RYR2: variants seen among roughly 807,000 people sequenced by gnomAD.
RYR2 encodes ryanodine receptor 2.
RYR2 carries 227 observed loss-of-function variants against 601.1 expected under a neutral mutation model. That is an observed-to-expected ratio of 0.38 (90% CI 0.34 to 0.42). The LOEUF (loss-of-function observed/expected upper bound fraction) is 0.42, where lower values mean the gene tolerates loss of function less well. RYR2 is among the 10% of genes least tolerant of loss of function. RYR2 has a pLI of 1.00. For synonymous variants in RYR2, 2,223 were observed against 2,175.1 expected, an observed-to-expected ratio of 1.02 and a Z score of -0.61; for missense variants, 4,646 against 6,156.5, an observed-to-expected ratio of 0.75 and a Z score of 8.21.
At chr1:237,332,044 AGT>A (rs1269853843) in intron 3 of RYR2, among the ~76,000 whole-genome samples, 1 of 152,114 alleles carries the variant, frequency 6.6e-6, no homozygotes, top group Non-Finnish European at 1.5e-5. Context: ...GGTTTAATAA[AGT>A]GTAGTATTTC....
intron 92 of RYR2, among the ~76,000 whole-genome samples, chr1:237,788,815 CTCTATG>C (rs1253057627): frequency 6.6e-6 from 1 of 151,034 alleles, no homozygotes; most frequent in African/African-American, 2.5e-5. Context: ...GTATAGCTCT[CTCTATG>C]TCTATTCATA....
intron 29 of RYR2, among the ~76,000 whole-genome samples, chr1:237,577,500 C>CTGTGTG (rs763937941): frequency 0.014 from 1,537 of 113,564 alleles, 27 homozygotes; most frequent in Non-Finnish European, 0.02. Flanking sequence ...GTGTGTGTTT[C>CTGTGTG]TGTGTGTGTG....
intron 17 of RYR2, among the ~76,000 whole-genome samples, chr1:237,485,482 G>A (rs973102070): frequency 2.6e-5 from 4 of 152,142 alleles, no homozygotes; most frequent in African/African-American, 9.7e-5. Context: ...TACTACAAAA[G>A]GAGGAATAAT....
rs371262363 is a variant in RYR2, at chr1:237,469,144, C to T, written c.1665C>T (p.Leu555=). The stretch of plus-strand genomic sequence containing the variant: ...ACTGTGCTCAATTTTCTGGCTCCCT[C>T]GACTGGTTGATCAGCAGATTGGAAA... ...RKNCAQFSGS[L]DWLISRLERL... The change falls in exon 17 of 105, where the codon CTC becomes CTT. Residue 555 remains leucine, a synonymous_variant. Transcript: ENST00000366574. 23 of 1,611,738 alleles carry T rather than the reference C, an allele frequency of 1.4e-5. No individual in the cohort carries two copies. The highest frequency in any genetic ancestry group is 8.9e-5 in the East Asian group (4 of 44,820).
intron 84 of RYR2, among the ~76,000 whole-genome samples, chr1:237,762,182 C>A (rs141509730): frequency 5.4e-4 from 82 of 152,294 alleles, no homozygotes; most frequent in African/African-American, 1.9e-3. Context: ...CCTTCAAGAA[C>A]AATCACTGAC....
rs754364233 is a variant in RYR2 at position 237,614,556 on chromosome 1, G to C, written c.5428G>C (p.Val1810Leu). ...KEGSLHARDP[V>L]GGTTEFLFVP... is the part of the protein sequence containing the mutation. ...GGGCAGTCTTCATGCCCGGGACCCAGTTGGAGGGACTACTGAATTCCTCTT... is the reference window on the plus strand; with the variant it reads ...GGGCAGTCTTCATGCCCGGGACCCACTTGGAGGGACTACTGAATTCCTCTT... Residue 1810 changes from valine (V) to leucine (L), a missense_variant, in exon 37 of 105, where the codon GTT becomes CTT. Physicochemically the swap from Val to Leu is conservative, Grantham distance 32. Transcript: ENST00000366574. This position sits in a 1 kb window ranked among gnomAD's most constrained non-coding sequence, Gnocchi z 4.3. The C allele has an allele frequency of 4.6e-5, 75 of 1,614,054 alleles. No homozygotes were observed. In the East Asian group the frequency reaches 1.6e-3, roughly 34 times the overall value.
At chr1:237,511,603 C>T (rs1037572342) in intron 23 of RYR2, 85 bp from the exon 24 acceptor site, 1 of 1,073,208 alleles carries the variant, frequency 9.3e-7, no homozygotes, top group African/African-American at 1.6e-5. Context: ...TGCCTTCTGC[C>T]TCCACTTTCT....
rs116271238 is a variant in RYR2 at position 237,531,166 on chromosome 1, C to G, written c.2906+656C>G. Among the ~76,000 whole-genome samples the G allele has an allele frequency of 3.4e-3, 511 of 152,182 alleles. 3 individuals are homozygous for G. Among genetic ancestry groups the G allele is most frequent in the African/African-American group, 0.012 (487 of 41,534 alleles). On this transcript the variant is annotated intron_variant, in intron 25 of 104. Transcript: ENST00000366574. ...CCAAAAATCTTTATAATTTTATTTA[C>G]TTTTACAATAAAAATATATTCGAGG...
chr1:237,085,700 G>T (rs563498474), intron 1 of RYR2, among the ~76,000 whole-genome samples: 1 of 152,192 alleles, frequency 6.6e-6, no homozygotes, highest in Admixed American at 6.5e-5. Context: ...GGAACTTGAG[G>T]GGGAGAAGAG....
intron 1 of RYR2, among the ~76,000 whole-genome samples, chr1:237,125,904 A>C (rs1232930266): frequency 1.3e-5 from 2 of 152,216 alleles, no homozygotes; most frequent in Non-Finnish European, 2.9e-5. Context: ...TTACTTAATA[A>C]ATGAAAATAT....
intron 2 of RYR2, among the ~76,000 whole-genome samples, chr1:237,329,665 C>CAT: frequency 6.6e-6 from 1 of 151,664 alleles, no homozygotes; most frequent in South Asian, 2.1e-4. Context: ...GAAATTAAAA[C>CAT]ATATATATGT....
chr1:237,086,495 T>G (rs1666346058), intron 1 of RYR2, among the ~76,000 whole-genome samples: 1 of 152,232 alleles, frequency 6.6e-6, no homozygotes, highest in African/African-American at 2.4e-5. Flanking sequence ...GTGGACAAGA[T>G]TTTTGAACTT....
intron 54 of RYR2, among the ~76,000 whole-genome samples, chr1:237,658,401 T>C (rs1683453291): frequency 6.6e-6 from 1 of 152,102 alleles, no homozygotes; most frequent in African/African-American, 2.4e-5. Flanking sequence ...TGTAGGTTTT[T>C]TTGGTTTATT....
At chr1:237,817,172 A>G (rs1184671537) in intron 100 of RYR2, among the ~76,000 whole-genome samples, 2 of 152,152 alleles carry the variant, frequency 1.3e-5, no homozygotes, top group African/African-American at 4.8e-5. Flanking sequence ...TCATCCTTGT[A>G]TGCCAGGCTG....
chr1:237,468,353 G>T (rs1351202), intron 16 of RYR2, among the ~76,000 whole-genome samples: 74,613 of 151,988 alleles, frequency 0.49, 19,354 homozygotes, highest in East Asian at 0.74. Context: ...AAGTTTAAAA[G>T]TGAGTGTATA....
At chr1:237,169,767 G>T (rs1337944570) in intron 1 of RYR2, among the ~76,000 whole-genome samples, 1 of 152,136 alleles carries the variant, frequency 6.6e-6, no homozygotes, top group African/African-American at 2.4e-5. Flanking sequence ...TATACTATTT[G>T]TATCTAAATA....
intron 100 of RYR2, among the ~76,000 whole-genome samples, chr1:237,813,911 A>ATGTTTCTTCC (rs1661511428): frequency 6.6e-6 from 1 of 151,964 alleles, no homozygotes; most frequent in Non-Finnish European, 1.5e-5. Flanking sequence ...GCAAGAGAAA[A>ATGTTTCTTCC]CTCAGTTCCA....
chr1:237,627,755 G>T (rs938569455), intron 40 of RYR2, 52 bp from the exon 41 acceptor site: 2 of 1,497,612 alleles, frequency 1.3e-6, no homozygotes, highest in Admixed American at 2.1e-5. Context: ...ATGTCCAACT[G>T]ATTTGTCTTC....
chr1:237,723,233 A>G lies in RYR2; in HGVS notation c.10660A>G (p.Ile3554Val). ...PEKTVERVLD[I>V]ANVLFHLEQK... is the part of the protein sequence containing the mutation. ...GAAGACGGTAGAAAGAGTATTGGAT[A>G]TAGCAAATGTGCTTTTTCATCTTGA... Residue 3554 changes from isoleucine to valine, a missense_variant, in exon 74 of 105, where the codon ATA becomes GTA. By Grantham distance (29) the Ile-to-Val change is conservative (BLOSUM62 3). This residue lies in a region of RYR2 where 1,497 missense variants were observed against 1,842.6 expected (regional missense o/e 0.81). Transcript: ENST00000366574. 2 of 1,612,032 alleles carry G rather than the reference A, an allele frequency of 1.2e-6. No individual in the cohort carries two copies. Among genetic ancestry groups the G allele is most frequent in the Non-Finnish European group, 1.7e-6 (2 of 1,178,426 alleles).
Sources: allele counts gnomAD v4.1 joint callset (sites outside exome capture counted in the v4.1 genomes callset), GRCh38; gene constraint gnomAD v4.1.1; regional missense constraint gnomAD v4.1.1; non-coding constraint Gnocchi (gnomAD v3.1); transcripts MANE v1.5; gene names NCBI Gene and HGNC (gene_info 2026-07-23, HGNC 2026-07-21).